Variants in HS2ST1 observed in about 807,000 individuals in gnomAD.
HS2ST1 encodes the protein heparan sulfate 2-O-sulfotransferase 1, also known as 2-O-sulfotransferase.
In HS2ST1, 18 loss-of-function variants were observed where a neutral mutation model predicts 42.9. The observed-to-expected ratio is 0.42, with a 90% CI of 0.29 to 0.62. The LOEUF (loss-of-function observed/expected upper bound fraction) is 0.62, where lower values mean the gene tolerates loss of function less well. HS2ST1 is among the 20% of genes least tolerant of loss of function. The pLI, the probability that HS2ST1 is intolerant of heterozygous loss-of-function variation, is 0.21. For synonymous variants in HS2ST1, 146 were observed against 152.9 expected, an observed-to-expected ratio of 0.95 and a Z score of 0.33; for missense variants, 334 against 433.8, an observed-to-expected ratio of 0.77 and a Z score of 2.04.
chr1:86,999,868 G>A (rs911069217), intron 1 of HS2ST1, among the ~76,000 whole-genome samples: 3 of 151,878 alleles, frequency 2.0e-5, no homozygotes, highest in African/African-American at 4.8e-5. Flanking sequence ...CTATTTCCAC[G>A]TTATTTGTAC....
rs180677680 is a variant in HS2ST1 at position 86,982,988 on chromosome 1, G to A, written c.124+67828G>A. On this transcript the variant is annotated intron_variant, in intron 1 of 6. Coordinates refer to ENST00000370550, the MANE Select transcript of HS2ST1 (RefSeq NM_012262.4). ...TGCTTCAATATCCAATAAATTACTC[G>A]TCTGCATCTGAGACCACCTCAGCCT... Among the ~76,000 whole-genome samples, 32 of 152,196 alleles carry A rather than the reference G, an allele frequency of 2.1e-4. No individual in the cohort carries two copies. In the South Asian group the frequency reaches 3.5e-3, roughly 17 times the overall value.
intron 1 of HS2ST1, among the ~76,000 whole-genome samples, chr1:86,995,590 A>G (rs578150470): frequency 3.9e-5 from 6 of 152,256 alleles, no homozygotes; most frequent in Non-Finnish European, 8.8e-5. Context: ...TTTTCTATGC[A>G]TAAGAAATGA....
At chr1:86,939,270 T>C (rs1660717195) in intron 1 of HS2ST1, among the ~76,000 whole-genome samples, 1 of 152,230 alleles carries the variant, frequency 6.6e-6, no homozygotes, top group Non-Finnish European at 1.5e-5. Flanking sequence ...TGTAGCTGTG[T>C]ACAATAATCA....
In HS2ST1 at chr1:86,977,066, A is replaced by G. The variant is rs139706977; in HGVS notation, c.124+61906A>G. Among the ~76,000 whole-genome samples, 69 of 152,204 alleles carry G rather than the reference A, an allele frequency of 4.5e-4. 1 individual carries two copies. The Middle Eastern group carries it at 0.02, about 45-fold the overall frequency. Reference sequence around the variant, plus strand: ...CCTTGTCTCAAAAAACAAAACAACAACAACAACAAAAACCATGGCATCATA... The same window carrying G: ...CCTTGTCTCAAAAAACAAAACAACAGCAACAACAAAAACCATGGCATCATA... On this transcript the variant is annotated intron_variant, in intron 1 of 6. Transcript: ENST00000370550.
intron 1 of HS2ST1, among the ~76,000 whole-genome samples, chr1:86,982,757 TC>T (rs1285125309): frequency 3.3e-5 from 5 of 152,210 alleles, no homozygotes; most frequent in African/African-American, 1.2e-4. Flanking sequence ...CTCGTGATCC[TC>T]CCACCTCGGC....
intron 1 of HS2ST1, among the ~76,000 whole-genome samples, chr1:87,005,856 A>G (rs1649424438): frequency 6.6e-6 from 1 of 152,162 alleles, no homozygotes; most frequent in South Asian, 2.1e-4. Context: ...GTGATGGAAG[A>G]AAACAGTGGA....
intron 1 of HS2ST1, among the ~76,000 whole-genome samples, chr1:86,964,058 G>A (rs1351673356): frequency 3.3e-5 from 5 of 149,530 alleles, no homozygotes; most frequent in African/African-American, 9.9e-5. Context: ...GGGCAGAGGC[G>A]CTCCTCACAT....
At position 86,954,032 on chromosome 1, in the gene HS2ST1, GT is replaced by G. The variant is rs544817279; in HGVS notation, c.124+38880del. On this transcript the variant is annotated intron_variant, in intron 1 of 6. Coordinates refer to ENST00000370550, the MANE Select transcript of HS2ST1 (RefSeq NM_012262.4). ...TGCAATAGTAATAACAAACATCACT[GT>G]TTTTTTTAAAAAAAAAAAAAAAAAA... Among the ~76,000 whole-genome samples the G allele has an allele frequency of 9.9e-4, 58 of 58,452 alleles. 1 individual carries two copies. The highest frequency in any genetic ancestry group is 3.3e-3 in the East Asian group (7 of 2,100). The allele number at this position is 58,452 out of a possible 152,430, so 38.3% of individuals were successfully genotyped here.
chr1:86,946,127 A>C (rs1647328152), intron 1 of HS2ST1, among the ~76,000 whole-genome samples: 1 of 152,194 alleles, frequency 6.6e-6, no homozygotes, highest in Non-Finnish European at 1.5e-5. Flanking sequence ...TTATGTGTTA[A>C]AATTTTTTTT....
At position 86,985,397 on chromosome 1, in the gene HS2ST1, C is replaced by T. The variant is rs1648734878; in HGVS notation, c.124+70237C>T. On this transcript the variant is annotated intron_variant, in intron 1 of 6. Coordinates refer to ENST00000370550, the MANE Select transcript of HS2ST1 (RefSeq NM_012262.4). ...ATATATATATATACACACACACACACACATATATATACACATATATATACA... is the reference window on the plus strand; with the variant it reads ...ATATATATATATACACACACACACATACATATATATACACATATATATACA... Among the ~76,000 whole-genome samples, 4 of 33,520 alleles carry T rather than the reference C, an allele frequency of 1.2e-4. 1 individual carries two copies. The highest frequency in any genetic ancestry group is 2.4e-4 in the Non-Finnish European group (3 of 12,382). 22.0% of individuals were successfully genotyped at this position (33,520 alleles called of 152,430 possible).
intron 1 of HS2ST1, among the ~76,000 whole-genome samples, chr1:87,012,055 A>G (rs900576554): frequency 6.6e-6 from 1 of 152,210 alleles, no homozygotes; most frequent in African/African-American, 2.4e-5. Context: ...TTTCCACAAT[A>G]TCATCTTCCA....
chr1:86,965,078 T>C (rs1648004227), intron 1 of HS2ST1, among the ~76,000 whole-genome samples: 2 of 152,238 alleles, frequency 1.3e-5, no homozygotes, highest in African/African-American at 4.8e-5. Flanking sequence ...AGTGATCCCC[T>C]TAATTTCAGA....
At chr1:86,993,165 C>G in intron 1 of HS2ST1, 2 of 1,584,526 alleles carry the variant, frequency 1.3e-6, no homozygotes, top group Non-Finnish European at 1.7e-6. Flanking sequence ...AAACCCTCAT[C>G]AACTGACTTT....
At chr1:86,985,497 CACATATAT>C (rs1287989587) in intron 1 of HS2ST1, among the ~76,000 whole-genome samples, 6 of 69,846 alleles carry the variant, frequency 8.6e-5, no homozygotes, top group African/African-American at 2.1e-4. Flanking sequence ...CATATATATA[CACATATAT>C]ACACATATAT....
intron 1 of HS2ST1, among the ~76,000 whole-genome samples, chr1:86,933,487 T>C (rs1056056300): frequency 2.0e-5 from 3 of 152,204 alleles, no homozygotes; most frequent in African/African-American, 7.2e-5. Context: ...ATTTTTGTTA[T>C]TTCCATTTCA....
chr1:87,006,775 T>G (rs1570479564), intron 1 of HS2ST1, among the ~76,000 whole-genome samples: 1 of 152,224 alleles, frequency 6.6e-6, no homozygotes, highest in East Asian at 1.9e-4. Flanking sequence ...AATCTAAAAT[T>G]TATTTCTAAA....
chr1:86,960,411 C>G (rs919653998), intron 1 of HS2ST1, among the ~76,000 whole-genome samples: 1 of 152,012 alleles, frequency 6.6e-6, no homozygotes, highest in Admixed American at 6.6e-5. Flanking sequence ...AAAGCATACT[C>G]CATGAAAGAA....
intron 1 of HS2ST1, among the ~76,000 whole-genome samples, chr1:86,932,730 A>T (rs1024074872): frequency 2.0e-5 from 3 of 152,128 alleles, no homozygotes; most frequent in Middle Eastern, 3.2e-3. Flanking sequence ...AGGGGAGGAG[A>T]CAGAAGAAGG....
chr1:86,928,889 C>T (rs1320333073), intron 1 of HS2ST1, among the ~76,000 whole-genome samples: 2 of 151,840 alleles, frequency 1.3e-5, no homozygotes, highest in Non-Finnish European at 3.0e-5. Flanking sequence ...GTCAGTGATA[C>T]TCTCTGACTT....
Sources: gnomAD v4.1 joint callset for allele counts (sites outside exome capture counted in the v4.1 genomes callset) on GRCh38, gnomAD v4.1.1 for gene constraint, MANE v1.5 for transcripts, NCBI Gene and HGNC (gene_info 2026-07-23, HGNC 2026-07-21) for gene names.